TMEM130: variants seen among roughly 807,000 people sequenced by gnomAD.
TMEM130 encodes the protein transmembrane protein 130.
In TMEM130, 37 loss-of-function variants were observed where a neutral mutation model predicts 42.9. The ratio of observed to expected loss-of-function variants is 0.86; its 90% CI spans 0.66 to 1.13. The LOEUF is 1.13. Among genes scored for constraint, TMEM130 ranks in the 50% most tolerant of loss-of-function variants. The pLI, the probability that TMEM130 is intolerant of heterozygous loss-of-function variation, is 0.00. For synonymous variants in TMEM130, 259 were observed against 237.7 expected, an observed-to-expected ratio of 1.09 and a Z score of -0.82; for missense variants, 545 against 562.6, an observed-to-expected ratio of 0.97 and a Z score of 0.32.
At chr7:98,853,352 G>T (rs568751530) in intron 5 of TMEM130, among the ~76,000 whole-genome samples, 2 of 152,288 alleles carry the variant, frequency 1.3e-5, no homozygotes, top group East Asian at 1.9e-4. Flanking sequence ...GGCGGGTCGG[G>T]CACGGTGGCT....
chr7:98,851,506 G>T lies in TMEM130; in HGVS notation c.921C>A (p.Asp307Glu), dbSNP rs1794504105. The change falls in exon 6 of 8, where the codon GAC (aspartate) becomes GAA (glutamate). Residue 307 changes from aspartate (D) to glutamate (E), a missense_variant. Physicochemically the swap from Asp to Glu is conservative, Grantham distance 45 (BLOSUM62 2). Transcript: ENST00000339375. ...GGATGCTGAAGCAGTAGTCCCCAGGGTCCCTGAAGGTGTGGGTCAGGTTGT... is the reference window on the plus strand; with the variant it reads ...GGATGCTGAAGCAGTAGTCCCCAGGTTCCCTGAAGGTGTGGGTCAGGTTGT... ...TAYNLTHTFR[D>E]PGDYCFSIRA... 1.9e-6 allele frequency: 3 copies of T among 1,613,990 alleles called. No individual in the cohort carries two copies. Among genetic ancestry groups the T allele is most frequent in the African/African-American group, 2.7e-5 (2 of 74,884 alleles).
intron 7 of TMEM130, 121 bp from the exon 8 acceptor site, chr7:98,848,329 C>T: frequency 8.5e-7 from 1 of 1,180,604 alleles, no homozygotes; most frequent in Non-Finnish European, 1.2e-6. Flanking sequence ...TGCCTGGTGG[C>T]AGAGTGCACA....
At chr7:98,855,458 CG>C in intron 4 of TMEM130, 134 bp from the exon 5 acceptor site, 1 of 739,076 alleles carries the variant, frequency 1.4e-6, no homozygotes, top group South Asian at 2.2e-5. Flanking sequence ...CAGGTCTGTG[CG>C]GGGTTCCTCT....
At position 98,856,032 on chromosome 7, in the gene TMEM130, A is replaced by C; in HGVS notation, c.703T>G (p.Ser235Ala). ...GGACACCCACCCTGCAGCTTCAGCG[A>C]GGCGGAGAAGTCCCCGGTCTTCTGC... ...VKQKTGDFSA[S>A]LKLQETLRGI... is the part of the protein sequence containing the mutation. The change falls in exon 4 of 8, where the codon TCG becomes GCG. Residue 235 changes from serine to alanine, a missense_variant. Ser to Ala is a moderately conservative substitution (Grantham distance 99). Transcript: ENST00000339375. The C allele has an allele frequency of 6.2e-7, 1 of 1,613,268 alleles. No individual in the cohort carries two copies. The highest frequency in any genetic ancestry group is 8.5e-7 in the Non-Finnish European group (1 of 1,180,028).
Position 98,863,274 on chromosome 7 carries a change from C to T in TMEM130, c.212G>A (p.Arg71His), listed in dbSNP as rs375013520. 4.3e-5 allele frequency: 70 copies of T among 1,613,310 alleles called. No homozygotes were observed. The highest frequency in any genetic ancestry group is 1.3e-4 in the East Asian group (6 of 44,818). ...CAGCGGGGTGTGGATCCAGTGGAAG[C>T]GGTAGAGGTGGGCGTCAGCGGGCAG... ...LALPADAHLY[R>H]FHWIHTPLVL... Residue 71 changes from arginine to histidine, a missense_variant, in exon 2 of 8, where the codon CGC becomes CAC. Arg to His is a conservative substitution (Grantham distance 29). Coordinates refer to ENST00000339375, the MANE Select transcript of TMEM130 (RefSeq NM_152913.3).
chr7:98,860,281 G>C lies in TMEM130; in HGVS notation c.449C>G (p.Ser150Cys). The change falls in exon 3 of 8, where the codon TCC becomes TGC. Residue 150 changes from serine to cysteine, a missense_variant. Transcript: ENST00000339375. ...TQNTSLPWPS[S>C]YLTKTVLKVS... ...TTTCAGGACGGTCTTAGTGAGATAGGAGCTGGGCCAGGGTAGGGAAGTGTT... is the reference window on the plus strand; with the variant it reads ...TTTCAGGACGGTCTTAGTGAGATAGCAGCTGGGCCAGGGTAGGGAAGTGTT... 1 of 1,613,126 alleles carries C rather than the reference G, an allele frequency of 6.2e-7. No individual in the cohort carries two copies.
intron 5 of TMEM130, among the ~76,000 whole-genome samples, chr7:98,853,212 G>A (rs545932965): frequency 1.8e-4 from 28 of 152,142 alleles, no homozygotes; most frequent in African/African-American, 6.5e-4. Flanking sequence ...CCAAAGCCCC[G>A]TGAAAACTAC....
rs1794405167 is a variant in TMEM130 at position 98,848,167 on chromosome 7, C to T, written c.1161G>A (p.Met387Ile). The T allele has an allele frequency of 1.9e-6, 3 of 1,614,014 alleles. No homozygotes were observed. The highest frequency in any genetic ancestry group is 1.3e-5 in the African/African-American group (1 of 74,900). ...TCTCCAGCAAGAAAGGCCCACAGCA[C>T]ATCTGGCAGCAGCACCTGACCCCAG... ...PPSGVRCCCQMCCGPFLLETP... is the reference protein window; with the variant it reads ...PPSGVRCCCQICCGPFLLETP... The change falls in exon 8 of 8, where the codon ATG (methionine) becomes ATA (isoleucine). Residue 387 changes from methionine (M) to isoleucine (I), a missense_variant. Coordinates refer to ENST00000339375, the MANE Select transcript of TMEM130 (RefSeq NM_152913.3).
chr7:98,869,213 C>A lies in TMEM130; in HGVS notation c.85+564G>T. On this transcript the variant is annotated intron_variant, in intron 1 of 7. Transcript: ENST00000339375. This position sits in a 1 kb window ranked among gnomAD's most constrained non-coding sequence, Gnocchi z 4.7. ...CCCACCCACACACACACCCCAGGAACCTGTCAGCTCCGGGTCCATTTTGGA... is the reference window on the plus strand; with the variant it reads ...CCCACCCACACACACACCCCAGGAAACTGTCAGCTCCGGGTCCATTTTGGA... 7.8e-7 allele frequency: 1 copy of A among 1,289,002 alleles called. No homozygotes were observed. 79.8% of individuals were successfully genotyped at this position (1,289,002 alleles called of 1,614,324 possible).
intron 2 of TMEM130, among the ~76,000 whole-genome samples, chr7:98,862,224 A>T (rs554785581): frequency 1.3e-4 from 20 of 151,780 alleles, no homozygotes; most frequent in African/African-American, 4.8e-4. Flanking sequence ...TTCTCTTGGA[A>T]TGAGAGAGAG....
intron 3 of TMEM130, among the ~76,000 whole-genome samples, chr7:98,856,597 G>C (rs1337784662): frequency 3.3e-5 from 5 of 152,070 alleles, no homozygotes; most frequent in Non-Finnish European, 5.9e-5. Flanking sequence ...TCCTGGGCTT[G>C]AGCAGTCCAC....
chr7:98,858,212 C>T (rs782700443), intron 3 of TMEM130, among the ~76,000 whole-genome samples: 20 of 151,902 alleles, frequency 1.3e-4, no homozygotes, highest in South Asian at 2.1e-4. Flanking sequence ...ATTGAATGTT[C>T]GTTTCTGTTC....
chr7:98,848,555 T>C, intron 7 of TMEM130, 28 bp downstream of exon 7: 1 of 1,482,508 alleles, frequency 6.7e-7, no homozygotes, highest in Non-Finnish European at 9.4e-7. Flanking sequence ...GGCCCAGTAG[T>C]CCAGCCCCCA....
chr7:98,869,264 G>T lies in TMEM130; in HGVS notation c.85+513C>A, dbSNP rs778916879. 2.3e-6 allele frequency: 3 copies of T among 1,288,748 alleles called. No homozygotes were observed. Among genetic ancestry groups the T allele is most frequent in the African/African-American group, 1.5e-5 (1 of 65,820 alleles). 79.8% of individuals were successfully genotyped at this position (1,288,748 alleles called of 1,614,324 possible). A position where few individuals can be genotyped will look rare whatever the true frequency, so the allele number is the denominator to read the frequency against. The stretch of plus-strand genomic sequence containing the variant: ...AATCACCACCAGAGAGGAAATGGCA[G>T]CCTGGCCTCCTGGGCTCTAAATTCG... On this transcript the variant is annotated intron_variant, in intron 1 of 7. Coordinates refer to ENST00000339375, the MANE Select transcript of TMEM130 (RefSeq NM_152913.3). The surrounding 1 kb of genome is among the most constrained non-coding windows in gnomAD (Gnocchi z 4.7).
intron 1 of TMEM130, among the ~76,000 whole-genome samples, chr7:98,868,206 G>A (rs1046510650): frequency 6.6e-6 from 1 of 152,232 alleles, no homozygotes; most frequent in Non-Finnish European, 1.5e-5. Context: ...TCCAGCCTGG[G>A]TGACAGAGCA....
chr7:98,855,088 C>T, intron 5 of TMEM130, 152 bp downstream of exon 5: 2 of 498,646 alleles, frequency 4.0e-6, no homozygotes, highest in Non-Finnish European at 7.1e-6. Context: ...CCATGCTCTC[C>T]CCATGGCCCA....
At chr7:98,853,499 G>A (rs557850083) in intron 5 of TMEM130, among the ~76,000 whole-genome samples, 5 of 152,294 alleles carry the variant, frequency 3.3e-5, no homozygotes, top group African/African-American at 1.2e-4. Flanking sequence ...GTGGTGGCAC[G>A]CACCTGTAAT....
Position 98,850,273 on chromosome 7 carries a change from A to ATATATATATTTTTTTTTTTTTTTTTTTTT in TMEM130, c.1006+1147_1006+1148insAAAAAAAAAAAAAAAAAAAAATATATATA. Among the ~76,000 whole-genome samples the ATATATATATTTTTTTTTTTTTTTTTTTTT allele has an allele frequency of 1.9e-3, 69 of 35,408 alleles. 2 individuals are homozygous for ATATATATATTTTTTTTTTTTTTTTTTTTT. Among genetic ancestry groups the ATATATATATTTTTTTTTTTTTTTTTTTTT allele is most frequent in the Non-Finnish European group, 3.4e-3 (53 of 15,760 alleles). The allele number at this position is 35,408 out of a possible 152,430, so 23.2% of individuals were successfully genotyped here. On this transcript the variant is annotated intron_variant, in intron 6 of 7. Coordinates refer to ENST00000339375, the MANE Select transcript of TMEM130 (RefSeq NM_152913.3). Reference sequence around the variant, plus strand: ...CTCATATATATATATATATATATATATTTTTTTTTTTTTTTAATTTTTTGA... The same window carrying ATATATATATTTTTTTTTTTTTTTTTTTTT: ...CTCATATATATATATATATATATATATATATATATTTTTTTTTTTTTTTTTTTTTTTTTTTTTTTTTTTTAATTTTTTGA...
intron 5 of TMEM130, among the ~76,000 whole-genome samples, chr7:98,853,271 G>T (rs1794552874): frequency 6.6e-6 from 1 of 152,102 alleles, no homozygotes; most frequent in Non-Finnish European, 1.5e-5. Flanking sequence ...CCCCTGGCCT[G>T]CATTGCTCAC....
Sources: allele counts gnomAD v4.1 joint callset (sites outside exome capture counted in the v4.1 genomes callset), GRCh38; gene constraint gnomAD v4.1.1; non-coding constraint Gnocchi (gnomAD v3.1); transcripts MANE v1.5; gene names NCBI Gene and HGNC (gene_info 2026-07-23, HGNC 2026-07-21).